The following SLC28A1 variants were observed in gnomAD, a reference collection of about 807,000 sequenced individuals.
SLC28A1 encodes the protein solute carrier family 28 member 1.
In SLC28A1, 64 loss-of-function variants were observed where a neutral mutation model predicts 74.8. The ratio of observed to expected loss-of-function variants is 0.86; its 90% CI spans 0.70 to 1.05. The LOEUF is 1.05. SLC28A1 is among the 50% of genes least tolerant of loss of function. SLC28A1 has a pLI of 0.00. For synonymous variants in SLC28A1, 359 were observed against 335.0 expected, an observed-to-expected ratio of 1.07 and a Z score of -0.78; for missense variants, 828 against 822.8, an observed-to-expected ratio of 1.01 and a Z score of -0.08.
intron 6 of SLC28A1, chr15:84,895,528 C>G (rs1411878250): frequency 2.6e-6 from 4 of 1,558,422 alleles, no homozygotes; most frequent in South Asian, 2.3e-5. Flanking sequence ...TCATTAGCCT[C>G]CAGGGGATTC....
At position 84,888,763 on chromosome 15, in the gene SLC28A1, G is replaced by A. The variant is rs778713664; in HGVS notation, c.97-9G>A. The A allele has an allele frequency of 3.3e-4, 519 of 1,550,460 alleles. 3 individuals carry two copies. The highest frequency in any genetic ancestry group is 5.2e-4 in the Middle Eastern group (3 of 5,764). On this transcript the variant is annotated splice_polypyrimidine_tract_variant and intron_variant, in intron 3 of 18. Coordinates refer to ENST00000394573, the MANE Select transcript of SLC28A1 (RefSeq NM_004213.5). Reference sequence around the variant, plus strand: ...GCAGGCCGACCTGACGGCTCCCTGCGGGCTGTAGGAGGAAGGCCAGCTCCC... The same window carrying A: ...GCAGGCCGACCTGACGGCTCCCTGCAGGCTGTAGGAGGAAGGCCAGCTCCC...
At chr15:84,902,930 A>G (rs1966824471) in intron 6 of SLC28A1, among the ~76,000 whole-genome samples, 2 of 152,192 alleles carry the variant, frequency 1.3e-5, no homozygotes, top group South Asian at 4.1e-4. Flanking sequence ...GGGTTTCACC[A>G]TGGTGGCCAG....
chr15:84,971,808 C>A, the SLC28A1 span, among the ~76,000 whole-genome samples: 1 of 152,080 alleles, frequency 6.6e-6, no homozygotes, highest in Non-Finnish European at 1.5e-5. Flanking sequence ...TGCCTCCATA[C>A]CCGGCTAATT....
At chr15:84,955,151 C>T in the SLC28A1 span, among the ~76,000 whole-genome samples, 3 of 152,278 alleles carry the variant, frequency 2.0e-5, no homozygotes, top group South Asian at 2.1e-4. Context: ...GTGCCAGACA[C>T]GAGCGAAAAA....
rs980957335 is a variant in SLC28A1 at position 84,937,880 on chromosome 15, G to C, written c.1581+2362G>C. On this transcript the variant is annotated intron_variant, in intron 15 of 18. Transcript: ENST00000394573. Reference sequence around the variant, plus strand: ...CCACTGCACTCCAGCTTGGGCAACAGAGTGAGACTCTGTCTCAAAAAACAA... The same window carrying C: ...CCACTGCACTCCAGCTTGGGCAACACAGTGAGACTCTGTCTCAAAAAACAA... 2.1e-5 allele frequency among the ~76,000 whole-genome samples: 3 copies of C among 141,152 alleles called. No individual in the cohort carries two copies. The South Asian group carries it at 6.9e-4, about 33-fold the overall frequency. 92.6% of individuals were successfully genotyped at this position (141,152 alleles called of 152,430 possible).
At chr15:84,928,523 GTTCGTTCTTTCT>G (rs1168633522) in intron 12 of SLC28A1, among the ~76,000 whole-genome samples, 11 of 39,860 alleles carry the variant, frequency 2.8e-4, no homozygotes, top group African/African-American at 1.2e-3. Context: ...TCCCAGGTTC[GTTCGTTCTTTCT>G]TTCTTTCTTT....
At chr15:84,933,645 C>T (rs1971561103) in intron 13 of SLC28A1, among the ~76,000 whole-genome samples, 1 of 152,064 alleles carries the variant, frequency 6.6e-6, no homozygotes, top group Admixed American at 6.6e-5. Context: ...GGGAACTGAG[C>T]ATGCTAGCTC....
intron 6 of SLC28A1, 71 bp downstream of exon 6, chr15:84,895,194 T>C: frequency 1.3e-6 from 2 of 1,593,138 alleles, no homozygotes; most frequent in Non-Finnish European, 1.7e-6. Flanking sequence ...TCCAGGGTTA[T>C]GGCCAGGGCT....
At chr15:84,900,959 C>G (rs899668177) in intron 6 of SLC28A1, among the ~76,000 whole-genome samples, 2 of 152,090 alleles carry the variant, frequency 1.3e-5, no homozygotes, top group African/African-American at 4.8e-5. Context: ...TGTGGTGGCT[C>G]ACGCCTGTAA....
chr15:84,892,892 A>G (rs1965517447), intron 5 of SLC28A1, among the ~76,000 whole-genome samples: 1 of 152,066 alleles, frequency 6.6e-6, no homozygotes, highest in African/African-American at 2.4e-5. Flanking sequence ...CTCCCAGCCA[A>G]AGCCCAGGGA....
At chr15:84,901,526 A>G (rs1161550142) in intron 6 of SLC28A1, among the ~76,000 whole-genome samples, 1 of 133,218 alleles carries the variant, frequency 7.5e-6, no homozygotes, top group Non-Finnish European at 1.7e-5. Flanking sequence ...CAAAAAACAA[A>G]CAAACAAACA....
Position 84,944,756 on chromosome 15 carries a change from G to T in SLC28A1, c.1763G>T (p.Gly588Val). 6.2e-7 allele frequency: 1 copy of T among 1,613,016 alleles called. No homozygotes were observed. The highest frequency in any genetic ancestry group is 8.5e-7 in the Non-Finnish European group (1 of 1,178,990). Residue 588 changes from glycine to valine, a missense_variant and splice_region_variant, in exon 18 of 19, where the codon GGG becomes GTG. This residue lies in a region of SLC28A1 where 767 missense variants were observed against 753.5 expected (regional missense o/e 1.02). Coordinates refer to ENST00000394573, the MANE Select transcript of SLC28A1 (RefSeq NM_004213.5). ...CCCACCCACCACTTTCCCTCTACAG[G>T]GATCCTCTACATGCCCAGGGGGGCT... ...CVSLVNACMA[G>V]ILYMPRGAEV...
the SLC28A1 span, among the ~76,000 whole-genome samples, chr15:84,953,495 G>A: frequency 5.9e-5 from 9 of 152,170 alleles, no homozygotes; most frequent in South Asian, 1.4e-3. Context: ...TTGGGAGACT[G>A]AGGCTGGAAG....
In SLC28A1 at chr15:84,886,751, C is replaced by T; in HGVS notation, c.-53C>T. ...TTGTCCCCACAGAGACGTGTGCTTC[C>T]CTCTCTCTCTGAGAGCGACCTGTTA... On this transcript the variant is annotated 5_prime_UTR_variant, in exon 2 of 19. Coordinates refer to ENST00000394573, the MANE Select transcript of SLC28A1 (RefSeq NM_004213.5). 1.0e-6 allele frequency: 1 copy of T among 985,440 alleles called. No homozygotes were observed. Among genetic ancestry groups the T allele is most frequent in the Non-Finnish European group, 1.2e-6 (1 of 829,936 alleles). 61.0% of individuals were successfully genotyped at this position (985,440 alleles called of 1,614,324 possible). A position where few individuals can be genotyped will look rare whatever the true frequency, so the allele number is the denominator to read the frequency against.
chr15:84,961,570 G>C, the SLC28A1 span: 3 of 449,198 alleles, frequency 6.7e-6, no homozygotes, highest in Middle Eastern at 3.4e-4. Context: ...TGAACTCCTG[G>C]CCTTAAATGA....
chr15:84,938,843 C>T (rs191506003), intron 15 of SLC28A1, among the ~76,000 whole-genome samples: 4 of 151,792 alleles, frequency 2.6e-5, no homozygotes, highest in Admixed American at 1.3e-4. Flanking sequence ...ACTTGGAGAA[C>T]GGATGAGCTA....
At chr15:84,974,457 C>G in the SLC28A1 span, among the ~76,000 whole-genome samples, 1 of 152,242 alleles carries the variant, frequency 6.6e-6, no homozygotes, top group African/African-American at 2.4e-5. Context: ...CTCTCTGTCT[C>G]CATTTCCTCT....
Position 84,906,253 on chromosome 15 carries a change from C to T in SLC28A1, c.717+601C>T, listed in dbSNP as rs111888686. On this transcript the variant is annotated intron_variant, in intron 8 of 18. Transcript: ENST00000394573. ...CAGGCTGGTCTCGAACTCCTGACCT[C>T]AGACGATTCGCTTGCCTCGGCCTCC... Among the ~76,000 whole-genome samples the T allele has an allele frequency of 9.1e-3, 1,389 of 152,164 alleles. 20 individuals carry two copies. Among genetic ancestry groups the T allele is most frequent in the African/African-American group, 0.032 (1,340 of 41,506 alleles).
chr15:84,922,747 G>C (rs566866014), intron 11 of SLC28A1, among the ~76,000 whole-genome samples: 1 of 152,150 alleles, frequency 6.6e-6, no homozygotes, highest in African/African-American at 2.4e-5. Context: ...GCTCCCCCGC[G>C]CCCATCTGCA....
Sources: allele counts gnomAD v4.1 joint callset (sites outside exome capture counted in the v4.1 genomes callset), GRCh38; gene constraint gnomAD v4.1.1; regional missense constraint gnomAD v4.1.1; transcripts MANE v1.5; gene names NCBI Gene and HGNC (gene_info 2026-07-23, HGNC 2026-07-21).